The following CCDC60 variants were observed in gnomAD, a reference collection of about 807,000 sequenced individuals.
CCDC60 encodes the protein coiled-coil domain-containing protein 60.
Under a neutral mutation model 63.5 loss-of-function variants are expected in CCDC60, and 54 were observed. That is an observed-to-expected ratio of 0.85 (90% CI 0.68 to 1.07). The LOEUF is 1.07. Among genes scored for constraint, CCDC60 ranks in the 50% least tolerant of loss-of-function variants. CCDC60 has a pLI of 0.00. For missense variants in CCDC60, 651 were observed against 684.3 expected, an observed-to-expected ratio of 0.95 and a Z score of 0.54; for synonymous variants, 206 against 238.8, an observed-to-expected ratio of 0.86 and a Z score of 1.27.
intron 5 of CCDC60, among the ~76,000 whole-genome samples, chr12:119,494,414 T>G (rs1186750719): frequency 6.6e-6 from 1 of 152,322 alleles, no homozygotes; most frequent in South Asian, 2.1e-4. Flanking sequence ...TGCTTTCCCC[T>G]GGTGCCACAG....
chr12:119,455,286 T>A (rs962889008), intron 2 of CCDC60, among the ~76,000 whole-genome samples: 1 of 152,196 alleles, frequency 6.6e-6, no homozygotes, highest in Non-Finnish European at 1.5e-5. Flanking sequence ...GAAAACCAAG[T>A]GCTGATAGCC....
At chr12:119,471,050 G>A (rs1175472695) in intron 2 of CCDC60, among the ~76,000 whole-genome samples, 1 of 152,192 alleles carries the variant, frequency 6.6e-6, no homozygotes, top group Non-Finnish European at 1.5e-5. Context: ...AAAGTGGGCA[G>A]ACAGAAAGAA....
At chr12:119,379,172 G>T (rs543130911) in intron 1 of CCDC60, among the ~76,000 whole-genome samples, 1 of 152,198 alleles carries the variant, frequency 6.6e-6, no homozygotes, top group Non-Finnish European at 1.5e-5. Flanking sequence ...TTGTTGCTGC[G>T]GAAGGCCACA....
At chr12:119,339,732 C>T (rs914604407) in intron 1 of CCDC60, among the ~76,000 whole-genome samples, 3 of 152,188 alleles carry the variant, frequency 2.0e-5, no homozygotes, top group Non-Finnish European at 1.5e-5. Context: ...TGCTTGAGCC[C>T]AGGAGGTCAA....
At chr12:119,494,798 CG>C (rs1555251725) in intron 5 of CCDC60, among the ~76,000 whole-genome samples, 1 of 152,074 alleles carries the variant, frequency 6.6e-6, no homozygotes, top group Non-Finnish European at 1.5e-5. Context: ...CTGACCCACA[CG>C]GAGAAACCCC....
At chr12:119,421,095 G>C (rs1452988591) in intron 1 of CCDC60, among the ~76,000 whole-genome samples, 2 of 152,096 alleles carry the variant, frequency 1.3e-5, no homozygotes, top group Admixed American at 1.3e-4. Flanking sequence ...GTCTGTATCA[G>C]CCCGGGCACA....
At chr12:119,341,200 C>T (rs1313676515) in intron 1 of CCDC60, among the ~76,000 whole-genome samples, 2 of 152,194 alleles carry the variant, frequency 1.3e-5, no homozygotes, top group East Asian at 1.9e-4. Flanking sequence ...ATGTGACAGT[C>T]GGCTCTTTTC....
intron 2 of CCDC60, among the ~76,000 whole-genome samples, chr12:119,450,177 T>A (rs1950605172): frequency 6.8e-6 from 1 of 146,562 alleles, no homozygotes; most frequent in South Asian, 2.1e-4. Flanking sequence ...AGTGAATTAT[T>A]GCGTGTTCTT....
intron 2 of CCDC60, among the ~76,000 whole-genome samples, chr12:119,459,162 A>G (rs12305024): frequency 0.21 from 31,632 of 152,052 alleles, 3,407 homozygotes; most frequent in Admixed American, 0.27. Context: ...CAACTGGAAG[A>G]TTTTTTTTCT....
chr12:119,410,503 A>G lies in CCDC60; in HGVS notation c.91-18180A>G, dbSNP rs2136195949. On this transcript the variant is annotated intron_variant, in intron 1 of 13. Coordinates refer to ENST00000327554, the MANE Select transcript of CCDC60 (RefSeq NM_178499.5). The surrounding 1 kb of genome is among the most constrained non-coding windows in gnomAD (Gnocchi z 4.0). ...GAAATGGCTTCTCAACAGCATTACC[A>G]GCTTCAGGAATGTTCTCTCCTGCCT... Among the ~76,000 whole-genome samples, 1 of 152,176 alleles carries G rather than the reference A, an allele frequency of 6.6e-6. No homozygotes were observed. The highest frequency in any genetic ancestry group is 1.9e-4 in the East Asian group (1 of 5,168).
chr12:119,478,494 C>G (rs1017877828), intron 3 of CCDC60, among the ~76,000 whole-genome samples: 1 of 151,862 alleles, frequency 6.6e-6, no homozygotes, highest in Non-Finnish European at 1.5e-5. Context: ...CTTGTCTGGC[C>G]CTTGAAGCAA....
chr12:119,386,833 C>T (rs567701805), intron 1 of CCDC60, among the ~76,000 whole-genome samples: 45 of 152,246 alleles, frequency 3.0e-4, no homozygotes, highest in African/African-American at 9.4e-4. Flanking sequence ...CCGAGCATTG[C>T]GAGGAAGCCT....
chr12:119,485,896 G>A (rs1259037705), intron 4 of CCDC60, among the ~76,000 whole-genome samples: 1 of 152,172 alleles, frequency 6.6e-6, no homozygotes, highest in African/African-American at 2.4e-5. Flanking sequence ...TGAATCTGAT[G>A]CTCACATGCC....
At chr12:119,360,892 G>C (rs1436579746) in intron 1 of CCDC60, among the ~76,000 whole-genome samples, 1 of 152,276 alleles carries the variant, frequency 6.6e-6, no homozygotes, top group South Asian at 2.1e-4. Context: ...CCGGCACCTC[G>C]GGAGGCCGAG....
chr12:119,358,702 C>A (rs1446511888), intron 1 of CCDC60, among the ~76,000 whole-genome samples: 1 of 152,150 alleles, frequency 6.6e-6, no homozygotes, highest in Non-Finnish European at 1.5e-5. Flanking sequence ...GGGGTATACT[C>A]TTTTGGATCT....
At chr12:119,458,871 C>G (rs541514166) in intron 2 of CCDC60, among the ~76,000 whole-genome samples, 1 of 152,032 alleles carries the variant, frequency 6.6e-6, no homozygotes, top group Non-Finnish European at 1.5e-5. Flanking sequence ...CTCAGCCCCC[C>G]GAGTAGCTGG....
At chr12:119,415,669 T>C (rs906798559) in intron 1 of CCDC60, among the ~76,000 whole-genome samples, 8 of 152,032 alleles carry the variant, frequency 5.3e-5, no homozygotes, top group Admixed American at 5.2e-4. Flanking sequence ...GGGAAGACAA[T>C]GGAGGGAAAA....
intron 1 of CCDC60, among the ~76,000 whole-genome samples, chr12:119,371,637 CA>C (rs1955899005): frequency 6.6e-6 from 1 of 152,198 alleles, no homozygotes; most frequent in Non-Finnish European, 1.5e-5. Flanking sequence ...GAAGCGCTCC[CA>C]AGTTGCTGTT....
chr12:119,346,959 G>A (rs1955604148), intron 1 of CCDC60, among the ~76,000 whole-genome samples: 1 of 151,702 alleles, frequency 6.6e-6, no homozygotes, highest in Non-Finnish European at 1.5e-5. Flanking sequence ...TGAGTAGCTG[G>A]GGTTACAGGC....
Sources: allele counts gnomAD v4.1 joint callset (sites outside exome capture counted in the v4.1 genomes callset), GRCh38; gene constraint gnomAD v4.1.1; non-coding constraint Gnocchi (gnomAD v3.1); transcripts MANE v1.5; gene names NCBI Gene and HGNC (gene_info 2026-07-23, HGNC 2026-07-21).